Variants in TIAM2 observed in about 807,000 individuals in gnomAD.
The protein encoded by TIAM2 is TIAM Rac1 associated GEF 2.
TIAM2 carries 80 observed loss-of-function variants against 152.9 expected under a neutral mutation model. That is an observed-to-expected ratio of 0.52 (90% CI 0.44 to 0.63). The LOEUF is 0.63. Among genes scored for constraint, TIAM2 ranks in the 30% least tolerant of loss-of-function variants. TIAM2 has a pLI of 0.00. For missense variants in TIAM2, 1,965 were observed against 2,120.1 expected, an observed-to-expected ratio of 0.93 and a Z score of 1.44; for synonymous variants, 804 against 838.0, an observed-to-expected ratio of 0.96 and a Z score of 0.70.
intron 1 of TIAM2, among the ~76,000 whole-genome samples, chr6:155,018,223 G>A (rs1384296260): frequency 3.4e-5 from 4 of 116,186 alleles, no homozygotes; most frequent in Non-Finnish European, 5.3e-5. Context: ...GGGCAACAGA[G>A]TGAGACTGTC....
intron 25 of TIAM2, 112 bp downstream of exon 25, chr6:155,254,172 C>A: frequency 1.7e-6 from 2 of 1,207,538 alleles, no homozygotes; most frequent in Non-Finnish European, 2.3e-6. Context: ...GGGTCATACT[C>A]CCCACCCTCC....
At chr6:155,245,073 G>A (rs901015097) in intron 18 of TIAM2, among the ~76,000 whole-genome samples, 1 of 152,180 alleles carries the variant, frequency 6.6e-6, no homozygotes, top group African/African-American at 2.4e-5. Flanking sequence ...GGATATCCAA[G>A]GTGGTTGCTT....
chr6:155,029,513 C>CTATATAG (rs1776769495), intron 1 of TIAM2, among the ~76,000 whole-genome samples: 6 of 22,082 alleles, frequency 2.7e-4, no homozygotes, highest in African/African-American at 7.9e-4. Flanking sequence ...ATAATATATA[C>CTATATAG]TATATATTAT....
At chr6:155,054,587 G>GTT (rs1055685024) in intron 1 of TIAM2, among the ~76,000 whole-genome samples, 1 of 115,924 alleles carries the variant, frequency 8.6e-6, no homozygotes, top group East Asian at 2.2e-4. Context: ...GTTTTGTTTT[G>GTT]TTTTTTTTTT....
At chr6:155,019,665 G>A (rs1198003450) in intron 1 of TIAM2, among the ~76,000 whole-genome samples, 6 of 152,310 alleles carry the variant, frequency 3.9e-5, no homozygotes, top group Admixed American at 1.3e-4. Flanking sequence ...CTTCTTGCTC[G>A]TGGGCCTACC....
chr6:155,000,685 G>A (rs1488051763), intron 1 of TIAM2, among the ~76,000 whole-genome samples: 1 of 152,042 alleles, frequency 6.6e-6, no homozygotes, highest in Non-Finnish European at 1.5e-5. Context: ...GGTCAGATTT[G>A]CATTTGAAAC....
In TIAM2 at chr6:155,175,753, A is replaced by G. The variant is rs139427879; in HGVS notation, c.2362-1063A>G. ...CTACATCGCTTAAGAAATGTATGCT[A>G]TTTTTGTTATGAATTACAAAAGGAC... On this transcript the variant is annotated intron_variant, in intron 9 of 26. Transcript: ENST00000682666. 2.8e-3 allele frequency among the ~76,000 whole-genome samples: 421 copies of G among 152,306 alleles called. 2 individuals are homozygous for G. Among genetic ancestry groups the G allele is most frequent in the Admixed American group, 5.7e-3 (87 of 15,298 alleles).
At chr6:155,158,723 G>A (rs923454753) in intron 7 of TIAM2, among the ~76,000 whole-genome samples, 18 of 150,046 alleles carry the variant, frequency 1.2e-4, no homozygotes, top group Admixed American at 1.1e-3. Flanking sequence ...ACCTGGCTGA[G>A]TTTTGTGTTT....
At chr6:155,049,984 A>C (rs112862304) in intron 1 of TIAM2, among the ~76,000 whole-genome samples, 1 of 152,164 alleles carries the variant, frequency 6.6e-6, no homozygotes, top group East Asian at 1.9e-4. Context: ...TGAGAGTACA[A>C]ATATTTTTGC....
chr6:155,224,169 G>A (rs1354119570), intron 15 of TIAM2, among the ~76,000 whole-genome samples: 1 of 152,212 alleles, frequency 6.6e-6, no homozygotes, highest in African/African-American at 2.4e-5. Context: ...AAGAAGATGT[G>A]TTTGAGTTTC....
intron 15 of TIAM2, chr6:155,216,830 C>A: frequency 9.5e-7 from 1 of 1,051,010 alleles, no homozygotes; most frequent in Non-Finnish European, 1.2e-6. Flanking sequence ...CTAGAGCAGG[C>A]AGGCTCCCGG....
chr6:155,245,719 G>T lies in TIAM2; in HGVS notation c.3640G>T (p.Val1214Phe). 6.3e-7 allele frequency: 1 copy of T among 1,593,412 alleles called. No homozygotes were observed. Among genetic ancestry groups the T allele is most frequent in the Non-Finnish European group, 8.5e-7 (1 of 1,170,250 alleles). The change falls in exon 19 of 27, where the codon GTT becomes TTT. Residue 1214 changes from valine to phenylalanine, a missense_variant. Physicochemically the swap from Val to Phe is conservative, Grantham distance 50 (BLOSUM62 -1). This residue lies in a region of TIAM2 where 935 missense variants were observed against 980.0 expected (regional missense o/e 0.95). Coordinates refer to ENST00000682666, the MANE Select transcript of TIAM2 (RefSeq NM_012454.4). ...FCANHIKVQK[V>F]LERAKTDKAF... ...TGCTAACCATATCAAAGTACAGAAG[G>T]TTCTGGAGCGAGGTAAGTTGCTTAT...
At chr6:155,077,895 A>G (rs1442696023) in intron 1 of TIAM2, among the ~76,000 whole-genome samples, 1 of 152,182 alleles carries the variant, frequency 6.6e-6, no homozygotes, top group African/African-American at 2.4e-5. Context: ...TGGCATTCTT[A>G]TGAATGAGCT....
intron 1 of TIAM2, among the ~76,000 whole-genome samples, chr6:155,069,606 T>C (rs1243348071): frequency 1.4e-5 from 2 of 140,704 alleles, no homozygotes; most frequent in African/African-American, 5.8e-5. Context: ...TAAGGAATTA[T>C]ACTGTAAAAT....
intron 19 of TIAM2, among the ~76,000 whole-genome samples, chr6:155,246,962 G>A (rs115242189): frequency 0.013 from 1,931 of 152,310 alleles, 51 homozygotes; most frequent in African/African-American, 0.044. Flanking sequence ...TGGTGTATCC[G>A]CTGGTACCCA....
At chr6:155,231,912 C>T (rs915509809) in intron 15 of TIAM2, among the ~76,000 whole-genome samples, 1 of 152,204 alleles carries the variant, frequency 6.6e-6, no homozygotes, top group African/African-American at 2.4e-5. Context: ...GAAACCCTGT[C>T]TCTACTAAAA....
intron 1 of TIAM2, among the ~76,000 whole-genome samples, chr6:155,042,168 G>A (rs1777060624): frequency 6.6e-6 from 1 of 151,908 alleles, no homozygotes; most frequent in African/African-American, 2.4e-5. Context: ...TGCCTCAGGT[G>A]TCATAATCCT....
At chr6:155,253,219 G>T in intron 24 of TIAM2, 166 bp downstream of exon 24, 1 of 562,370 alleles carries the variant, frequency 1.8e-6, no homozygotes, top group South Asian at 2.7e-5. Context: ...GCAGACTTCT[G>T]GGAGAAACTA....
chr6:155,023,043 T>G (rs897839859), intron 1 of TIAM2, among the ~76,000 whole-genome samples: 2 of 40,372 alleles, frequency 5.0e-5, no homozygotes, highest in African/African-American at 3.2e-4. Flanking sequence ...TTTTGTTCTG[T>G]TTTTTTTTTT....
Sources: gnomAD v4.1 joint callset for allele counts (sites outside exome capture counted in the v4.1 genomes callset) on GRCh38, gnomAD v4.1.1 for gene constraint, gnomAD v4.1.1 regional missense constraint, MANE v1.5 for transcripts, NCBI Gene and HGNC (gene_info 2026-07-23, HGNC 2026-07-21) for gene names.